WDPCP: variants seen among roughly 807,000 people sequenced by gnomAD.
The protein encoded by WDPCP is WD repeat containing planar cell polarity effector.
In WDPCP, 71 loss-of-function variants were observed where a neutral mutation model predicts 93.1. That is an observed-to-expected ratio of 0.76 (90% CI 0.63 to 0.93). WDPCP has a LOEUF of 0.93. Among genes scored for constraint, WDPCP ranks in the 40% least tolerant of loss-of-function variants. The pLI, the probability that WDPCP is intolerant of heterozygous loss-of-function variation, is 0.00. For missense variants in WDPCP, 844 were observed against 887.4 expected (o/e 0.95, Z 0.62); for synonymous variants, 315 against 315.0 (o/e 1.00, Z 0.00).
chr2:63,822,492 T>C (rs1414956642), intron 1 of WDPCP, among the ~76,000 whole-genome samples: 1 of 152,208 alleles, frequency 6.6e-6, no homozygotes, highest in African/African-American at 2.4e-5. Flanking sequence ...TTTACTTTAT[T>C]ATATGAATAA....
chr2:63,309,829 A>G (rs1686043702), intron 13 of WDPCP, among the ~76,000 whole-genome samples: 1 of 152,198 alleles, frequency 6.6e-6, no homozygotes, highest in Non-Finnish European at 1.5e-5. Flanking sequence ...AATCATGTAA[A>G]TAACACACTC....
intron 13 of WDPCP, among the ~76,000 whole-genome samples, chr2:63,309,315 A>G (rs914731952): frequency 6.6e-6 from 1 of 152,206 alleles, no homozygotes; most frequent in Non-Finnish European, 1.5e-5. Flanking sequence ...AAAAATAACA[A>G]TAATTAACAT....
chr2:63,837,373 C>G, the WDPCP span, among the ~76,000 whole-genome samples: 1 of 152,152 alleles, frequency 6.6e-6, no homozygotes, highest in South Asian at 2.1e-4. Flanking sequence ...TTTTTCCTCT[C>G]TCATGTGGGT....
chr2:63,502,779 TA>T (rs553268500), intron 1 of WDPCP, among the ~76,000 whole-genome samples: 1,559 of 144,210 alleles, frequency 0.011, 20 homozygotes, highest in Middle Eastern at 0.11. Context: ...GAATCTGATT[TA>T]AAAAAAAAAA....
At chr2:63,291,000 T>G (rs559800170) in intron 13 of WDPCP, among the ~76,000 whole-genome samples, 1 of 152,304 alleles carries the variant, frequency 6.6e-6, no homozygotes, top group East Asian at 1.9e-4. Context: ...CAATTACATG[T>G]ATTTTAGACT....
Position 63,622,841 on chromosome 2 carries a change from C to G in WDPCP, n.488+27818G>C. On this transcript the variant is annotated intron_variant and non_coding_transcript_variant, in intron 3 of 4. Coordinates refer to the WDPCP transcript ENST00000467687. ...GGAAATACTTAACCATCGTCCTGGC[C>G]GAAGTGGGCTCAGCACCCGCGCAGC... The G allele has an allele frequency of 5.0e-6, 8 of 1,603,018 alleles. No homozygotes were observed. In the South Asian group the frequency reaches 7.7e-5, roughly 15 times the overall value.
intron 14 of WDPCP, among the ~76,000 whole-genome samples, chr2:63,183,443 T>C (rs1674394759): frequency 6.6e-6 from 1 of 152,144 alleles, no homozygotes; most frequent in South Asian, 2.1e-4. Context: ...GTTTCAACAG[T>C]TCCTCCTGGT....
chr2:63,317,817 A>C (rs1039690548), intron 12 of WDPCP, among the ~76,000 whole-genome samples: 1 of 152,214 alleles, frequency 6.6e-6, no homozygotes, highest in Non-Finnish European at 1.5e-5. Flanking sequence ...AAACCTTAGA[A>C]GAAAACCTAG....
At chr2:63,160,623 T>G (rs1672583245) in intron 15 of WDPCP, among the ~76,000 whole-genome samples, 1 of 152,174 alleles carries the variant, frequency 6.6e-6, no homozygotes, top group Non-Finnish European at 1.5e-5. Context: ...TATCAAGCAT[T>G]TACTCTGCCT....
chr2:63,244,403 T>C (rs1680106521), intron 14 of WDPCP, among the ~76,000 whole-genome samples: 1 of 151,866 alleles, frequency 6.6e-6, no homozygotes, highest in South Asian at 2.1e-4. Context: ...CAAAAATCCA[T>C]ACAAAAGATC....
chr2:63,318,933 G>GA (rs1686874767), intron 12 of WDPCP, among the ~76,000 whole-genome samples: 1 of 151,552 alleles, frequency 6.6e-6, no homozygotes, highest in Non-Finnish European at 1.5e-5. Flanking sequence ...AAAAGTGCAA[G>GA]AAAAAAAGAA....
intron 1 of WDPCP, among the ~76,000 whole-genome samples, chr2:63,516,025 A>C (rs80135369): frequency 0.022 from 3,364 of 152,034 alleles, 58 homozygotes; most frequent in Admixed American, 0.054. Flanking sequence ...ATTTCAAAAA[A>C]AAAAAAAAGA....
intron 12 of WDPCP, among the ~76,000 whole-genome samples, chr2:63,313,886 A>ATATGTGTGTGTGTATTT: frequency 2.7e-5 from 2 of 74,502 alleles, no homozygotes; most frequent in Admixed American, 1.7e-4. Flanking sequence ...ATATATATAT[A>ATATGTGTGTGTGTATTT]TTTTTTTTTT....
intron 17 of WDPCP, among the ~76,000 whole-genome samples, chr2:63,138,239 G>C (rs1670783807): frequency 6.6e-6 from 1 of 151,882 alleles, no homozygotes; most frequent in Non-Finnish European, 1.5e-5. Context: ...AATTTCCAGA[G>C]AGTGAATTAC....
chr2:63,297,138 A>G (rs886073592), intron 13 of WDPCP, among the ~76,000 whole-genome samples: 1 of 152,154 alleles, frequency 6.6e-6, no homozygotes, highest in African/African-American at 2.4e-5. Context: ...TTAGTGAGGA[A>G]CTTACATAAA....
intron 9 of WDPCP, among the ~76,000 whole-genome samples, chr2:63,423,302 G>A (rs535693966): frequency 6.6e-6 from 1 of 152,200 alleles, no homozygotes; most frequent in East Asian, 1.9e-4. Context: ...GCATTTTTGG[G>A]GAAGACAGGT....
At chr2:63,127,877 C>T (rs1046068980) in intron 17 of WDPCP, among the ~76,000 whole-genome samples, 6 of 151,928 alleles carry the variant, frequency 3.9e-5, no homozygotes, top group African/African-American at 1.2e-4. Context: ...TGGTGGCTCA[C>T]GACTGTAATC....
In WDPCP at chr2:63,439,819, A is replaced by G; in HGVS notation, c.437T>C (p.Leu146Pro). The change falls in exon 7 of 18, where the codon CTG becomes CCG. Residue 146 changes from leucine to proline, a missense_variant. Transcript: ENST00000272321. ...LVSLSLSGPQ[L>P]EKVVIDRSLV... ...GCTTCTGTCAATCACCACTTTCTCC[A>G]GCTGCGGCCCAGAAAGGCTTAGAGA... The G allele has an allele frequency of 6.2e-7, 1 of 1,613,264 alleles. No individual in the cohort carries two copies. The highest frequency in any genetic ancestry group is 1.3e-5 in the African/African-American group (1 of 74,950).
chr2:63,227,154 G>A (rs968662301), intron 14 of WDPCP, among the ~76,000 whole-genome samples: 3 of 151,860 alleles, frequency 2.0e-5, no homozygotes, highest in Non-Finnish European at 2.9e-5. Context: ...GCTATGATAA[G>A]CAATGTTTTA....
Sources: allele counts gnomAD v4.1 joint callset (sites outside exome capture counted in the v4.1 genomes callset), GRCh38; gene constraint gnomAD v4.1.1; transcripts MANE v1.5; gene names NCBI Gene and HGNC (gene_info 2026-07-23, HGNC 2026-07-21).